ZNF730: variants seen among roughly 807,000 people sequenced by gnomAD.
ZNF730 encodes the protein putative zinc finger protein 730.
A neutral mutation model predicts 12.6 loss-of-function variants in ZNF730; 12 were observed. The ratio of observed to expected loss-of-function variants is 0.95; its 90% CI spans 0.61 to 1.54. The LOEUF (loss-of-function observed/expected upper bound fraction) is 1.54, where lower values mean the gene tolerates loss of function less well. Among genes scored for constraint, ZNF730 ranks in the 40% most tolerant of loss-of-function variants. ZNF730 has a pLI of 0.00. For missense variants in ZNF730, 643 were observed against 583.5 expected (o/e 1.10, Z -1.05); for synonymous variants, 194 against 195.8 (o/e 0.99, Z 0.08).
At chr19:23,076,491 A>G (rs1969864043) in intron 1 of ZNF730, among the ~76,000 whole-genome samples, 1 of 152,112 alleles carries the variant, frequency 6.6e-6, no homozygotes, top group African/African-American at 2.4e-5. Flanking sequence ...TTTCTTGGTC[A>G]TGAGTTTCAG....
chr19:23,083,311 C>T (rs541096126), intron 1 of ZNF730, among the ~76,000 whole-genome samples: 1 of 152,176 alleles, frequency 6.6e-6, no homozygotes, highest in South Asian at 2.1e-4. Flanking sequence ...GTAGTCCCAG[C>T]TACTCGGGAG....
upstream of ZNF730, among the ~76,000 whole-genome samples, chr19:23,112,961 T>G (rs961163327): frequency 6.6e-6 from 1 of 152,182 alleles, no homozygotes; most frequent in African/African-American, 2.4e-5. Context: ...AATGAGGCAA[T>G]GGTTAGAAAT....
At chr19:23,104,019 C>T (rs1015073376) in intron 1 of ZNF730, among the ~76,000 whole-genome samples, 9 of 151,932 alleles carry the variant, frequency 5.9e-5, no homozygotes, top group African/African-American at 9.7e-5. Context: ...GAAAAAAGGA[C>T]AGGATTCAGG....
In ZNF730 at chr19:23,122,603, T is replaced by C. The variant is rs147861145; in HGVS notation, c.3+5427T>C. Among the ~76,000 whole-genome samples the C allele has an allele frequency of 4.8e-3, 724 of 152,352 alleles. 4 individuals are homozygous for C. The highest frequency in any genetic ancestry group is 0.01 in the Middle Eastern group (3 of 294). On this transcript the variant is annotated intron_variant, in intron 1 of 3. Coordinates refer to ENST00000597761, the MANE Select transcript of ZNF730 (RefSeq NM_001277403.2). ...TCTCATATTTGCAGGCTAAAGTACT[T>C]ACACTGCAAAGGCAAGAACAGTTCA...
At chr19:23,077,343 G>A (rs1423614993) in intron 1 of ZNF730, among the ~76,000 whole-genome samples, 2 of 146,662 alleles carry the variant, frequency 1.4e-5, no homozygotes, top group Admixed American at 1.4e-4. Flanking sequence ...TGATCTGCCC[G>A]CCTTGGCCTC....
intron 1 of ZNF730, among the ~76,000 whole-genome samples, chr19:23,086,925 C>A (rs1461734990): frequency 3.3e-5 from 5 of 152,134 alleles, no homozygotes; most frequent in Admixed American, 3.3e-4. Flanking sequence ...TATTCATAAG[C>A]ATGGAAAGTT....
chr19:23,102,817 A>G (rs1384354654), intron 1 of ZNF730, among the ~76,000 whole-genome samples: 1 of 152,122 alleles, frequency 6.6e-6, no homozygotes, highest in Non-Finnish European at 1.5e-5. Flanking sequence ...GGTGACTCTC[A>G]TACCTCAAAC....
At chr19:23,141,372 G>A (rs1970916806) in intron 3 of ZNF730, among the ~76,000 whole-genome samples, 1 of 151,254 alleles carries the variant, frequency 6.6e-6, no homozygotes, top group South Asian at 2.1e-4. Context: ...TCCAACGTGG[G>A]TGACAGAATG....
intron 1 of ZNF730, among the ~76,000 whole-genome samples, chr19:23,077,815 G>A (rs1424458600): frequency 6.6e-6 from 1 of 152,114 alleles, no homozygotes; most frequent in Non-Finnish European, 1.5e-5. Context: ...ACTCCATTTT[G>A]CTCTGTACTA....
intron 1 of ZNF730, among the ~76,000 whole-genome samples, chr19:23,133,867 C>T (rs974859216): frequency 6.6e-6 from 1 of 152,154 alleles, no homozygotes; most frequent in African/African-American, 2.4e-5. Context: ...CATATAAATA[C>T]TGATATTTTG....
chr19:23,121,757 T>C (rs577599227), intron 1 of ZNF730, among the ~76,000 whole-genome samples: 23 of 152,362 alleles, frequency 1.5e-4, no homozygotes, highest in African/African-American at 5.3e-4. Flanking sequence ...AGCTTAGATG[T>C]CTGCATCCAG....
chr19:23,105,197 A>G (rs756239568), intron 1 of ZNF730, among the ~76,000 whole-genome samples: 27 of 148,578 alleles, frequency 1.8e-4, no homozygotes, highest in Non-Finnish European at 3.0e-4. Flanking sequence ...GGCTCACTGC[A>G]TCCTCCACCT....
At chr19:23,107,462 A>ACC (rs1374438464) in intron 1 of ZNF730, among the ~76,000 whole-genome samples, 2 of 147,112 alleles carry the variant, frequency 1.4e-5, no homozygotes, top group Non-Finnish European at 3.0e-5. Flanking sequence ...AAAAAAAAAA[A>ACC]AAAAAAAAAA....
chr19:23,142,532 A>C (rs770120130), intron 3 of ZNF730, among the ~76,000 whole-genome samples: 1 of 151,606 alleles, frequency 6.6e-6, no homozygotes, highest in African/African-American at 2.4e-5. Context: ...AAATACAAAA[A>C]CAAAAATTAG....
Position 23,146,936 on chromosome 19 carries a change from G to T in ZNF730, c.*380G>T. 2.4e-6 allele frequency: 1 copy of T among 410,004 alleles called. No homozygotes were observed. 25.4% of individuals were successfully genotyped at this position (410,004 alleles called of 1,614,324 possible). ...TTTGACAACACCTCAAACTTTTCCA[G>T]ATGTCAAAGAAATGCTGGTGAGAAA... On this transcript the variant is annotated 3_prime_UTR_variant, in exon 4 of 4. Transcript: ENST00000597761.
intron 3 of ZNF730, among the ~76,000 whole-genome samples, 178 bp from the exon 4 acceptor site, chr19:23,145,089 AACTT>A (rs376465380): frequency 1.4e-3 from 215 of 152,268 alleles, no homozygotes; most frequent in African/African-American, 4.9e-3. Flanking sequence ...GTACACACTC[AACTT>A]ACTTTTTTAC....
chr19:23,106,786 C>T (rs1196555249), intron 1 of ZNF730, among the ~76,000 whole-genome samples: 5 of 135,292 alleles, frequency 3.7e-5, no homozygotes, highest in East Asian at 2.1e-4. Context: ...GCGAGAACTG[C>T]GTCTCAAAAA....
intron 1 of ZNF730, chr19:23,075,475 C>A (rs921595339): frequency 6.6e-6 from 1 of 152,376 alleles, no homozygotes; most frequent in African/African-American, 2.4e-5. Flanking sequence ...CTCCCGGGTC[C>A]GCCGACCTCA....
chr19:23,127,047 G>T, intron 1 of ZNF730: 1 of 520,278 alleles, frequency 1.9e-6, no homozygotes, highest in South Asian at 1.5e-5. Context: ...AGCATATAAT[G>T]AAGAACCAAT....
Sources: allele counts gnomAD v4.1 joint callset (sites outside exome capture counted in the v4.1 genomes callset), GRCh38; gene constraint gnomAD v4.1.1; transcripts MANE v1.5; gene names NCBI Gene and HGNC (gene_info 2026-07-23, HGNC 2026-07-21).